Variants in NUP133 observed in about 807,000 individuals in gnomAD.
The protein encoded by NUP133 is nuclear pore complex protein Nup133.
In NUP133, 66 loss-of-function variants were observed where a neutral mutation model predicts 146.2. The ratio of observed to expected loss-of-function variants is 0.45; its 90% CI spans 0.37 to 0.55. NUP133 has a LOEUF of 0.55. Among genes scored for constraint, NUP133 ranks in the 20% least tolerant of loss-of-function variants. The probability of loss-of-function intolerance (pLI) is 0.00; values close to 1 mark genes in which losing one functional copy is unlikely to be tolerated. For synonymous variants in NUP133, 521 were observed against 498.8 expected, an observed-to-expected ratio of 1.04 and a Z score of -0.59; for missense variants, 1,277 against 1,374.8, an observed-to-expected ratio of 0.93 and a Z score of 1.12.
Position 229,470,742 on chromosome 1 carries a change from C to T in NUP133, c.1914G>A (p.Leu638=), listed in dbSNP as rs947859119. The T allele has an allele frequency of 1.1e-5, 18 of 1,614,106 alleles. No homozygotes were observed. The highest frequency in any genetic ancestry group is 3.3e-5 in the Admixed American group (2 of 60,004). ...GCTTTTCGGCATGCTCACAGAGCAA[C>T]AGTCGAGTGGCCATCGGTGTCCCTC... ...PVRGTPMATR[L]LLCEHAEKLS... Residue 638 remains leucine, a synonymous_variant, in exon 15 of 26, where the codon CTG becomes CTA. Coordinates refer to ENST00000261396, the MANE Select transcript of NUP133 (RefSeq NM_018230.3).
chr1:229,465,513 G>A lies in NUP133; in HGVS notation c.2206C>T (p.Leu736=), dbSNP rs766120821. ...TGGCGATAATGACTAGCAGCCTGCA[G>A]CATATCCTGGAAAAAAAGTTAATGT... ...INVNNILKDM[L]QAASHYRQNR... is the part of the protein sequence containing the mutation. Residue 736 remains leucine, a synonymous_variant, in exon 17 of 26, where the codon CTG becomes TTG. Coordinates refer to ENST00000261396, the MANE Select transcript of NUP133 (RefSeq NM_018230.3). 6.2e-7 allele frequency: 1 copy of A among 1,612,192 alleles called. No homozygotes were observed. Among genetic ancestry groups the A allele is most frequent in the South Asian group, 1.1e-5 (1 of 91,042 alleles).
intron 6 of NUP133, among the ~76,000 whole-genome samples, chr1:229,497,477 T>TTTG (rs1180109733): frequency 2.0e-5 from 3 of 152,196 alleles, no homozygotes; most frequent in African/African-American, 7.2e-5. Flanking sequence ...GATAATTATC[T>TTTG]GAAACAAGAG....
chr1:229,494,646 G>C (rs1438073647), intron 8 of NUP133, among the ~76,000 whole-genome samples: 2 of 152,120 alleles, frequency 1.3e-5, no homozygotes, highest in Non-Finnish European at 2.9e-5. Flanking sequence ...ACTAACCTAG[G>C]ATCCTATGCA....
At chr1:229,468,956 C>T (rs1255507929) in intron 15 of NUP133, among the ~76,000 whole-genome samples, 3 of 152,142 alleles carry the variant, frequency 2.0e-5, no homozygotes, top group Admixed American at 6.5e-5. Context: ...TCACACTAAA[C>T]ACATTTATGG....
At chr1:229,472,318 C>CAA (rs67522726) in intron 14 of NUP133, among the ~76,000 whole-genome samples, 11 of 83,488 alleles carry the variant, frequency 1.3e-4, no homozygotes, top group Admixed American at 4.2e-4. Context: ...GACTCCGTCT[C>CAA]AAAAAAAAAA....
intron 6 of NUP133, among the ~76,000 whole-genome samples, chr1:229,497,454 C>A (rs1661682043): frequency 6.6e-6 from 1 of 152,090 alleles, no homozygotes; most frequent in Non-Finnish European, 1.5e-5. Context: ...AAAGAACATT[C>A]AAGGAAGCAG....
At chr1:229,444,879 T>C (rs372835948) in intron 25 of NUP133, 35 bp downstream of exon 25, 43 of 1,418,542 alleles carry the variant, frequency 3.0e-5, no homozygotes, top group Non-Finnish European at 4.2e-5. Flanking sequence ...GGAATGACAC[T>C]GTAATTTCCA....
chr1:229,493,630 C>A (rs1661577802), intron 8 of NUP133, among the ~76,000 whole-genome samples: 1 of 152,106 alleles, frequency 6.6e-6, no homozygotes, highest in South Asian at 2.1e-4. Flanking sequence ...GATCATGAGG[C>A]CTCAAGAACA....
chr1:229,486,359 G>A lies in NUP133; in HGVS notation c.1500+12C>T. 3.2e-6 allele frequency: 5 copies of A among 1,557,466 alleles called. No individual in the cohort carries two copies. Among genetic ancestry groups the A allele is most frequent in the South Asian group, 1.2e-5 (1 of 81,958 alleles). ...AACATAAAAACTTCAAATTCTTATC[G>A]AATCACATTACCTCACTGTTTGGTC... On this transcript the variant is annotated intron_variant, in intron 11 of 25. Coordinates refer to ENST00000261396, the MANE Select transcript of NUP133 (RefSeq NM_018230.3).
intron 22 of NUP133, 36 bp from the exon 23 acceptor site, chr1:229,450,641 A>G (rs982272286): frequency 2.0e-6 from 2 of 1,022,638 alleles, no homozygotes; most frequent in African/African-American, 3.2e-5. Flanking sequence ...AGATTATACA[A>G]TCATGTAACT....
At chr1:229,447,822 C>T (rs1322546791) in intron 24 of NUP133, among the ~76,000 whole-genome samples, 3 of 152,262 alleles carry the variant, frequency 2.0e-5, no homozygotes, top group South Asian at 4.1e-4. Flanking sequence ...CTATGTGATA[C>T]TTTCAGATGC....
At position 229,475,690 on chromosome 1, in the gene NUP133, T is replaced by C; in HGVS notation, c.1799A>G (p.Gln600Arg). The change falls in exon 14 of 26, where the codon CAG (glutamine) becomes CGG (arginine). Residue 600 changes from glutamine to arginine, a missense_variant. Coordinates refer to ENST00000261396, the MANE Select transcript of NUP133 (RefSeq NM_018230.3). Reference sequence around the variant, plus strand: ...GTGAGCTTTCATCTTGTCTTCTAGCTGGTGAAGGATAATCAGTGACGTATT... The same window carrying C: ...GTGAGCTTTCATCTTGTCTTCTAGCCGGTGAAGGATAATCAGTGACGTATT... ...FSNTSLIILH[Q>R]LEDKMKAHSF... 6.2e-7 allele frequency: 1 copy of C among 1,614,242 alleles called. No individual in the cohort carries two copies. The highest frequency in any genetic ancestry group is 1.1e-5 in the South Asian group (1 of 91,088).
intron 19 of NUP133, 119 bp from the exon 20 acceptor site, chr1:229,460,888 T>C: frequency 1.3e-6 from 1 of 764,064 alleles, no homozygotes; most frequent in Non-Finnish European, 2.1e-6. Flanking sequence ...AAACAATAAT[T>C]TCCTATATTG....
intron 12 of NUP133, 130 bp downstream of exon 12, chr1:229,483,924 G>GC: frequency 1.6e-6 from 1 of 620,184 alleles, no homozygotes; most frequent in Non-Finnish European, 2.8e-6. Flanking sequence ...AAGTGCTAAA[G>GC]CTCAAAAAAA....
At chr1:229,478,424 AGAG>A (rs976396413) in intron 12 of NUP133, among the ~76,000 whole-genome samples, 33 of 151,900 alleles carry the variant, frequency 2.2e-4, no homozygotes, top group Non-Finnish European at 7.4e-5. Context: ...TAACAGGTAA[AGAG>A]GAGGTCATGG....
chr1:229,449,294 T>C, intron 23 of NUP133, 104 bp from the exon 24 acceptor site: 1 of 669,382 alleles, frequency 1.5e-6, no homozygotes, highest in Non-Finnish European at 2.5e-6. Context: ...AGCCAATTAA[T>C]ATCTATGAAT....
At chr1:229,486,663 T>C in intron 10 of NUP133, 135 bp from the exon 11 acceptor site, 1 of 731,410 alleles carries the variant, frequency 1.4e-6, no homozygotes, top group African/African-American at 1.9e-5. Flanking sequence ...TTAGTCCTAC[T>C]TCGAACTCAT....
At chr1:229,449,851 T>TATATATATATATA (rs1660401047) in intron 23 of NUP133, among the ~76,000 whole-genome samples, 4 of 67,626 alleles carry the variant, frequency 5.9e-5, no homozygotes, top group Admixed American at 2.0e-4. Flanking sequence ...TATGAAGATT[T>TATATATATATATA]TATATATATA....
intron 11 of NUP133, 122 bp from the exon 12 acceptor site, chr1:229,484,267 GT>G: frequency 1.6e-6 from 1 of 624,416 alleles, no homozygotes; most frequent in Non-Finnish European, 2.8e-6. Context: ...TTGCCGTATT[GT>G]CTGTACCAGG....
Sources: allele counts gnomAD v4.1 joint callset (sites outside exome capture counted in the v4.1 genomes callset), GRCh38; gene constraint gnomAD v4.1.1; transcripts MANE v1.5; gene names NCBI Gene and HGNC (gene_info 2026-07-23, HGNC 2026-07-21).